The following VTI1A variants were observed in gnomAD, a reference collection of about 807,000 sequenced individuals.
VTI1A encodes the protein vesicle transport through interaction with t-SNAREs 1A, also known as vesicle transport through interaction with t-SNAREs homolog 1A.
VTI1A carries 22 observed loss-of-function variants against 34.9 expected under a neutral mutation model. The observed-to-expected ratio is 0.63, with a 90% CI of 0.45 to 0.90. The LOEUF is 0.90. VTI1A is among the 40% of genes least tolerant of loss of function. VTI1A has a pLI of 0.00. For missense variants in VTI1A, 268 were observed against 275.6 expected, an observed-to-expected ratio of 0.97 and a Z score of 0.20; for synonymous variants, 87 against 97.3, an observed-to-expected ratio of 0.89 and a Z score of 0.62.
At chr10:112,635,313 T>C (rs1318461846) in intron 5 of VTI1A, among the ~76,000 whole-genome samples, 1 of 152,160 alleles carries the variant, frequency 6.6e-6, no homozygotes, top group African/African-American at 2.4e-5. Context: ...ATGGCAGATG[T>C]AGTGTTTTAG....
At chr10:112,773,415 A>T (rs2134025268) in intron 7 of VTI1A, among the ~76,000 whole-genome samples, 1 of 152,290 alleles carries the variant, frequency 6.6e-6, no homozygotes, top group African/African-American at 2.4e-5. Context: ...GCTGCTTCAG[A>T]TCATAGAAGC....
chr10:112,812,340 T>A (rs543349775), intron 7 of VTI1A, among the ~76,000 whole-genome samples: 13 of 152,370 alleles, frequency 8.5e-5, no homozygotes, highest in African/African-American at 2.6e-4. Context: ...AGGAGGAAGT[T>A]ACTTTGGGCT....
At chr10:112,711,382 G>A (rs1849410534) in intron 7 of VTI1A, among the ~76,000 whole-genome samples, 1 of 152,154 alleles carries the variant, frequency 6.6e-6, no homozygotes, top group African/African-American at 2.4e-5. Context: ...TGTCAGTGTA[G>A]GTCAAACTTT....
chr10:112,848,355 C>A, the VTI1A span, among the ~76,000 whole-genome samples: 637 of 152,234 alleles, frequency 4.2e-3, 4 homozygotes, highest in African/African-American at 0.015. Flanking sequence ...TGAGCTGGAC[C>A]CATTAAGGGA....
chr10:112,691,747 GT>G (rs1246370120), intron 7 of VTI1A, among the ~76,000 whole-genome samples: 1 of 152,188 alleles, frequency 6.6e-6, no homozygotes, highest in East Asian at 1.9e-4. Context: ...TGCATGGAAG[GT>G]TCACTTGAGG....
At chr10:112,758,552 C>T (rs942979218) in intron 7 of VTI1A, among the ~76,000 whole-genome samples, 15 of 152,188 alleles carry the variant, frequency 9.9e-5, no homozygotes, top group African/African-American at 3.6e-4. Context: ...CCCAATGCTG[C>T]AAGAGGAAGT....
At position 112,633,554 on chromosome 10, in the gene VTI1A, G is replaced by A. The variant is rs372007981; in HGVS notation, c.428-34664G>A. 9.2e-5 allele frequency among the ~76,000 whole-genome samples: 14 copies of A among 152,274 alleles called. No homozygotes were observed. In the South Asian group the frequency reaches 2.9e-3, roughly 32 times the overall value. On this transcript the variant is annotated intron_variant, in intron 5 of 7. Coordinates refer to ENST00000393077, the MANE Select transcript of VTI1A (RefSeq NM_145206.4). ...CACCGGGGCTGGAACAACACAGCAG[G>A]ATACCCAGGGATCCCAAAAGGAAGT...
chr10:112,651,171 T>C (rs1385467133), intron 5 of VTI1A, among the ~76,000 whole-genome samples: 1 of 152,238 alleles, frequency 6.6e-6, no homozygotes, highest in African/African-American at 2.4e-5. Flanking sequence ...GGAGCATTCC[T>C]GTCTTCAGCA....
At chr10:112,819,216 G>A (rs529719866), downstream of VTI1A, among the ~76,000 whole-genome samples, 10 of 152,296 alleles carry the variant, frequency 6.6e-5, no homozygotes, top group African/African-American at 1.2e-4. Context: ...GTTTGTCTAC[G>A]TAGTGGAGAA....
chr10:112,512,960 G>A (rs1270812202), intron 3 of VTI1A, among the ~76,000 whole-genome samples: 7 of 152,068 alleles, frequency 4.6e-5, no homozygotes, highest in Admixed American at 2.6e-4. Flanking sequence ...ATATTTTAAA[G>A]TCAGATAATG....
intron 3 of VTI1A, among the ~76,000 whole-genome samples, chr10:112,523,262 C>G (rs1850093914): frequency 6.6e-6 from 1 of 152,036 alleles, no homozygotes; most frequent in Non-Finnish European, 1.5e-5. Context: ...TTAAGAAAAT[C>G]AGCCAATCAG....
intron 3 of VTI1A, among the ~76,000 whole-genome samples, chr10:112,468,233 C>T (rs939169791): frequency 2.6e-5 from 4 of 152,144 alleles, no homozygotes; most frequent in South Asian, 2.1e-4. Context: ...AACGGTCCTT[C>T]GACTCCTGTT....
chr10:112,840,616 TG>T, the VTI1A span, among the ~76,000 whole-genome samples: 1 of 152,166 alleles, frequency 6.6e-6, no homozygotes, highest in Admixed American at 6.5e-5. Flanking sequence ...TGAGACCCCC[TG>T]GGCAGCTGCC....
chr10:112,449,154 G>A (rs928732407), intron 1 of VTI1A: 1 of 152,170 alleles, frequency 6.6e-6, no homozygotes, highest in Non-Finnish European at 1.5e-5. Context: ...AGATCGTCTT[G>A]ATTTTTGTTA....
In VTI1A at chr10:112,625,840, A is replaced by G. The variant is rs550276947; in HGVS notation, c.428-42378A>G. Among the ~76,000 whole-genome samples, 27 of 152,212 alleles carry G rather than the reference A, an allele frequency of 1.8e-4. No homozygotes were observed. In the East Asian group the frequency reaches 4.6e-3, roughly 26 times the overall value. On this transcript the variant is annotated intron_variant, in intron 5 of 7. Transcript: ENST00000393077. Reference sequence around the variant, plus strand: ...GTGATGGGTGCACCAAAATCTCACAAATCACCACTAAGGAACTTACTCAGG... The same window carrying G: ...GTGATGGGTGCACCAAAATCTCACAGATCACCACTAAGGAACTTACTCAGG...
At chr10:112,547,581 A>AATAATC in intron 5 of VTI1A, among the ~76,000 whole-genome samples, 1 of 152,134 alleles carries the variant, frequency 6.6e-6, no homozygotes, top group Non-Finnish European at 1.5e-5. Context: ...CTGTCTCAAT[A>AATAATC]ATAATCATAA....
chr10:112,567,106 T>C lies in VTI1A; in HGVS notation c.427+28776T>C, dbSNP rs143138352. Among the ~76,000 whole-genome samples, 944 of 152,200 alleles carry C rather than the reference T, an allele frequency of 6.2e-3. 7 individuals are homozygous for C. Among genetic ancestry groups the C allele is most frequent in the African/African-American group, 0.022 (899 of 41,526 alleles). On this transcript the variant is annotated intron_variant, in intron 5 of 7. Transcript: ENST00000393077. ...ATGCAGTGGTGTAATCACAGCTCAC[T>C]GCAGCCTCGACCTCCCTGGCTCAGG...
intron 7 of VTI1A, among the ~76,000 whole-genome samples, chr10:112,774,562 A>G (rs1288355953): frequency 6.6e-6 from 1 of 152,130 alleles, no homozygotes; most frequent in Non-Finnish European, 1.5e-5. Flanking sequence ...GAACAACTTT[A>G]TGTGAGCACA....
At chr10:112,779,672 A>C (rs902341153) in intron 7 of VTI1A, among the ~76,000 whole-genome samples, 7 of 152,216 alleles carry the variant, frequency 4.6e-5, no homozygotes, top group Non-Finnish European at 1.5e-5. Flanking sequence ...TTGGCAGTCA[A>C]ATCTGTTTCA....
Sources: gnomAD v4.1 joint callset for allele counts (sites outside exome capture counted in the v4.1 genomes callset) on GRCh38, gnomAD v4.1.1 for gene constraint, MANE v1.5 for transcripts, NCBI Gene and HGNC (gene_info 2026-07-23, HGNC 2026-07-21) for gene names.